The following IL6ST variants were observed in gnomAD, a reference collection of about 807,000 sequenced individuals.
IL6ST encodes the protein interleukin-6 receptor subunit beta.
In IL6ST, 24 loss-of-function variants were observed where a neutral mutation model predicts 91.3. That is an observed-to-expected ratio of 0.26 (90% CI 0.19 to 0.37). The LOEUF (loss-of-function observed/expected upper bound fraction) is 0.37. Among genes scored for constraint, IL6ST ranks in the 10% least tolerant of loss-of-function variants. The pLI is 1.00. For missense variants in IL6ST, 914 were observed against 1,078.5 expected, an observed-to-expected ratio of 0.85 and a Z score of 2.14; for synonymous variants, 351 against 373.6, an observed-to-expected ratio of 0.94 and a Z score of 0.70.
intron 11 of IL6ST, among the ~76,000 whole-genome samples, chr5:55,953,100 C>A (rs1319070557): frequency 6.6e-6 from 1 of 151,956 alleles, no homozygotes; most frequent in Non-Finnish European, 1.5e-5. Flanking sequence ...TTATTTTTAT[C>A]TTTTTTAGCA....
chr5:55,935,942 GAGCCTATACA>G lies in IL6ST; in HGVS notation c.*5130_*5139del, dbSNP rs1750499610. On this transcript the variant is annotated 3_prime_UTR_variant, in exon 17 of 17. Coordinates refer to ENST00000381298, the MANE Select transcript of IL6ST (RefSeq NM_002184.4). ...ACCACACCTTAAAGAAATCAGGCTT[GAGCCTATACA>G]AGCCATAACCAAATAGAAGATTTTA... is the stretch of plus-strand genomic sequence containing the variant. The G allele has an allele frequency of 4.6e-6, 1 of 219,760 alleles. No homozygotes were observed. Among genetic ancestry groups the G allele is most frequent in the African/African-American group, 2.2e-5 (1 of 44,584 alleles). 13.6% of individuals were successfully genotyped at this position (219,760 alleles called of 1,614,324 possible).
In IL6ST at chr5:55,941,795, T is replaced by A; in HGVS notation, c.2044A>T (p.Met682Leu). The change falls in exon 17 of 17, where the codon ATG becomes TTG. Residue 682 changes from methionine (M) to leucine (L), a missense_variant. Met to Leu is a conservative substitution (Grantham distance 15, BLOSUM62 2). Coordinates refer to ENST00000381298, the MANE Select transcript of IL6ST (RefSeq NM_002184.4). ...PRHNFNSKDQ[M>L]YSDGNFTDVS... is the part of the protein sequence containing the mutation. ...TCAGTGAAATTGCCATCTGAATACA[T>A]TTGATCTTTTGAATTAAAATTGTGC... is the stretch of plus-strand genomic sequence containing the variant. The A allele has an allele frequency of 8.1e-6, 13 of 1,610,504 alleles. No individual in the cohort carries two copies. The highest frequency in any genetic ancestry group is 1.1e-5 in the Non-Finnish European group (13 of 1,178,722).
At chr5:55,941,852 ATTAG>A (rs768236775) in intron 16 of IL6ST, 33 bp from the exon 17 acceptor site, 2 of 1,566,992 alleles carry the variant, frequency 1.3e-6, no homozygotes, top group Admixed American at 1.8e-5. Context: ...TATGGCAAGT[ATTAG>A]TTAAAGCCAC....
intron 3 of IL6ST, among the ~76,000 whole-genome samples, chr5:55,974,625 C>A (rs1470159889): frequency 6.6e-6 from 1 of 151,932 alleles, no homozygotes; most frequent in Non-Finnish European, 1.5e-5. Context: ...GTGGGGATTA[C>A]AGGCGTGCGG....
At chr5:55,988,565 G>A (rs10059402) in intron 1 of IL6ST, among the ~76,000 whole-genome samples, 5 of 150,482 alleles carry the variant, frequency 3.3e-5, no homozygotes, top group Admixed American at 6.6e-5. Context: ...TTGGGAGTTC[G>A]AGACCAGCCT....
At position 55,954,985 on chromosome 5, in the gene IL6ST, G is replaced by T; in HGVS notation, c.1275C>A (p.His425Gln). 6.3e-7 allele frequency: 1 copy of T among 1,589,236 alleles called. No homozygotes were observed. The highest frequency in any genetic ancestry group is 8.6e-7 in the Non-Finnish European group (1 of 1,169,428). ...GGAATGCTTTAAGATCCATTACAGG[G>T]TGAGTAGCTTTAAAACAAAGTTTGA... Reference protein sequence around the residue: ...TIPACDFQATHPVMDLKAFPK... With the variant: ...TIPACDFQATQPVMDLKAFPK... Residue 425 changes from histidine (H) to glutamine (Q), a missense_variant, in exon 11 of 17, where the codon CAC becomes CAA. Coordinates refer to ENST00000381298, the MANE Select transcript of IL6ST (RefSeq NM_002184.4).
intron 15 of IL6ST, among the ~76,000 whole-genome samples, chr5:55,943,471 G>C (rs1751045911): frequency 6.6e-6 from 1 of 152,144 alleles, no homozygotes; most frequent in African/African-American, 2.4e-5. Context: ...TATGAGGCCA[G>C]TATTATCCTG....
chr5:55,949,994 G>A (rs1033317737), intron 14 of IL6ST, among the ~76,000 whole-genome samples: 1 of 152,144 alleles, frequency 6.6e-6, no homozygotes, highest in Non-Finnish European at 1.5e-5. Flanking sequence ...ACCTCACTGG[G>A]GGCAATGCAC....
intron 14 of IL6ST, among the ~76,000 whole-genome samples, chr5:55,950,955 A>AT (rs1199142553): frequency 2.6e-5 from 1 of 38,494 alleles, no homozygotes; most frequent in Non-Finnish European, 7.9e-5. Flanking sequence ...CCCTGCCTCC[A>AT]AAAAAAAAAA....
At chr5:55,959,427 C>T (rs1752174478) in intron 8 of IL6ST, among the ~76,000 whole-genome samples, 1 of 152,068 alleles carries the variant, frequency 6.6e-6, no homozygotes, top group African/African-American at 2.4e-5. Flanking sequence ...CAGCTACTGC[C>T]ATTGATAACT....
At position 55,959,455 on chromosome 5, in the gene IL6ST, T is replaced by C. The variant is rs1752176075; in HGVS notation, c.973+947A>G. Among the ~76,000 whole-genome samples the C allele has an allele frequency of 2.6e-5, 4 of 152,304 alleles. No homozygotes were observed. The South Asian group carries it at 8.3e-4, about 32-fold the overall frequency. ...TGATAACTAAGAGATGAGTCTGTGA[T>C]AGGAAGGTCTCAAAATGAAAAATCT... is the stretch of plus-strand genomic sequence containing the variant. On this transcript the variant is annotated intron_variant, in intron 8 of 16. Coordinates refer to ENST00000381298, the MANE Select transcript of IL6ST (RefSeq NM_002184.4).
intron 15 of IL6ST, among the ~76,000 whole-genome samples, chr5:55,943,424 T>C (rs979813670): frequency 2.5e-4 from 38 of 152,144 alleles, no homozygotes; most frequent in African/African-American, 9.2e-4. Flanking sequence ...ACAAACTCTT[T>C]CAGAAAACAG....
At chr5:55,982,602 A>C in intron 2 of IL6ST, 122 bp downstream of exon 2, 1 of 392,668 alleles carries the variant, frequency 2.5e-6, no homozygotes, top group Non-Finnish European at 4.5e-6. Flanking sequence ...AAATGTTGTC[A>C]CATAAATTAT....
chr5:55,950,146 A>T, intron 14 of IL6ST: 1 of 478,040 alleles, frequency 2.1e-6, no homozygotes, highest in Non-Finnish European at 4.2e-6. Flanking sequence ...ATTTAAATTT[A>T]TGGCTTTGGC....
intron 9 of IL6ST, 39 bp from the exon 10 acceptor site, chr5:55,956,274 A>C (rs944055673): frequency 8.4e-7 from 1 of 1,189,298 alleles, no homozygotes; most frequent in Non-Finnish European, 1.2e-6. Context: ...TAATCTCATA[A>C]ATCTTGAATA....
At position 55,947,592 on chromosome 5, in the gene IL6ST, T is replaced by TAAAA. The variant is rs71602925; in HGVS notation, c.1841-7_1841-4dup. The TAAAA allele has an allele frequency of 0.019, 7,418 of 389,986 alleles. 192 individuals are homozygous for TAAAA. Among genetic ancestry groups the TAAAA allele is most frequent in the African/African-American group, 0.031 (647 of 21,066 alleles). The allele number at this position is 389,986 out of a possible 1,614,324, so 24.2% of individuals were successfully genotyped here. Reference sequence around the variant, plus strand: ...TATGGCTTCAATTTCTCCTTGAGCTTAAAAAAAAAAAAAAAAAAAAAAAAA... The same window carrying TAAAA: ...TATGGCTTCAATTTCTCCTTGAGCTTAAAAAAAAAAAAAAAAAAAAAAAAAAAAA... On this transcript the variant is annotated splice_polypyrimidine_tract_variant and splice_region_variant and intron_variant, in intron 14 of 16. Transcript: ENST00000381298.
chr5:55,960,304 C>G, intron 8 of IL6ST, 98 bp downstream of exon 8: 1 of 923,096 alleles, frequency 1.1e-6, no homozygotes, highest in Non-Finnish European at 1.6e-6. Context: ...ATAAAATGAT[C>G]ACAAACTAAG....
chr5:55,979,353 T>C (rs149552929), intron 2 of IL6ST, among the ~76,000 whole-genome samples: 34 of 152,254 alleles, frequency 2.2e-4, no homozygotes, highest in African/African-American at 7.9e-4. Context: ...TTGTTTTTTG[T>C]GAGGAAGGGT....
At chr5:55,987,957 G>A (rs933785774) in intron 1 of IL6ST, among the ~76,000 whole-genome samples, 1 of 151,820 alleles carries the variant, frequency 6.6e-6, no homozygotes, top group African/African-American at 2.4e-5. Context: ...ATGGTGAAAC[G>A]CTGTCTCTAC....
Sources: allele counts gnomAD v4.1 joint callset (sites outside exome capture counted in the v4.1 genomes callset), GRCh38; gene constraint gnomAD v4.1.1; transcripts MANE v1.5; gene names NCBI Gene and HGNC (gene_info 2026-07-23, HGNC 2026-07-21).